The following MIB1 variants were observed in gnomAD, a reference collection of about 807,000 sequenced individuals.
MIB1 encodes the protein E3 ubiquitin-protein ligase MIB1.
MIB1 carries 278 observed loss-of-function variants against 124.5 expected under a neutral mutation model. The observed-to-expected ratio is 2.23, with a 90% CI of 2.02 to 2.47. The LOEUF is 2.47. Ranked by LOEUF, MIB1 falls within the 30% of genes most tolerant of loss-of-function variation. The pLI is 0.00. For synonymous variants in MIB1, 446 were observed against 429.4 expected (o/e 1.04, Z -0.48); for missense variants, 957 against 1,254.4 (o/e 0.76, Z 3.58).
chr18:21,859,593 C>T (rs1457904451), intron 20 of MIB1, among the ~76,000 whole-genome samples: 1 of 151,602 alleles, frequency 6.6e-6, no homozygotes, highest in Non-Finnish European at 1.5e-5. Context: ...ACATGTGATA[C>T]TTTAATAGAA....
intron 4 of MIB1, among the ~76,000 whole-genome samples, chr18:21,777,013 G>A (rs974586984): frequency 1.3e-5 from 2 of 151,930 alleles, no homozygotes; most frequent in African/African-American, 4.8e-5. Flanking sequence ...AAAATTAGCT[G>A]GACAAGGAAT....
intron 1 of MIB1, among the ~76,000 whole-genome samples, chr18:21,760,454 AT>A (rs2146399664): frequency 6.6e-6 from 1 of 152,248 alleles, no homozygotes; most frequent in African/African-American, 2.4e-5. Context: ...CTTTGTTTAC[AT>A]TTTTCAATTC....
chr18:21,845,669 G>A (rs1009840241), intron 15 of MIB1, among the ~76,000 whole-genome samples: 3 of 151,882 alleles, frequency 2.0e-5, no homozygotes, highest in African/African-American at 7.3e-5. Context: ...TGTTGCCTGG[G>A]CTGGAGTGCA....
intron 4 of MIB1, among the ~76,000 whole-genome samples, chr18:21,775,133 G>A (rs986722345): frequency 5.2e-4 from 79 of 151,328 alleles, no homozygotes; most frequent in Non-Finnish European, 1.6e-4. Flanking sequence ...TTTTAGTAGA[G>A]ACGCGATTTC....
rs770270150 is a variant in MIB1 at position 21,791,516 on chromosome 18, C to T, written c.1051C>T (p.Leu351=). The T allele has an allele frequency of 3.6e-5, 58 of 1,613,728 alleles. No individual in the cohort carries two copies. Among genetic ancestry groups the T allele is most frequent in the Non-Finnish European group, 4.6e-5 (54 of 1,179,866 alleles). Residue 351 remains leucine (L), a synonymous_variant, in exon 7 of 21, where the codon CTA becomes TTA. Transcript: ENST00000261537. ...TTATGACCTGGAACGAATTAAACTT[C>T]TACAAAGAGGACATGGAGAATGGGC... ...VCYDLERIKL[L]QRGHGEWAEA...
chr18:21,740,497 A>T (rs1004274609), upstream of MIB1, among the ~76,000 whole-genome samples: 4 of 152,260 alleles, frequency 2.6e-5, no homozygotes, highest in Admixed American at 2.0e-4. Context: ...AAAGAAGACT[A>T]AAAGAATATG....
upstream of MIB1, among the ~76,000 whole-genome samples, chr18:21,740,084 A>G (rs1321463793): frequency 6.6e-6 from 1 of 152,182 alleles, no homozygotes; most frequent in Admixed American, 6.5e-5. Context: ...GCAACAGTTT[A>G]TGCTAACAAT....
At chr18:21,723,904 G>T (rs1373682428) in intron 1 of MIB1, among the ~76,000 whole-genome samples, 3 of 149,270 alleles carry the variant, frequency 2.0e-5, no homozygotes, top group Non-Finnish European at 4.4e-5. Context: ...AAGAGATGAG[G>T]TCTCCCTTTA....
chr18:21,811,672 G>A (rs2041774978), intron 10 of MIB1, among the ~76,000 whole-genome samples: 1 of 152,138 alleles, frequency 6.6e-6, no homozygotes, highest in African/African-American at 2.4e-5. Context: ...GGAACAAAAA[G>A]TGGAATGTAT....
chr18:21,842,430 A>G (rs1476965849), intron 13 of MIB1, among the ~76,000 whole-genome samples: 1 of 152,188 alleles, frequency 6.6e-6, no homozygotes, highest in Non-Finnish European at 1.5e-5. Context: ...AGCCCTGTGA[A>G]ATAGGTTTTA....
intron 13 of MIB1, among the ~76,000 whole-genome samples, chr18:21,841,178 C>G (rs1257401205): frequency 6.6e-6 from 1 of 152,078 alleles, no homozygotes; most frequent in Non-Finnish European, 1.5e-5. Flanking sequence ...CCAGCCTGGC[C>G]AACATCGTGA....
chr18:21,710,147 ATCTC>A (rs1264319651), intron 1 of MIB1, among the ~76,000 whole-genome samples: 4 of 150,752 alleles, frequency 2.7e-5, no homozygotes, highest in East Asian at 3.9e-4. Flanking sequence ...TTGAGATGGA[ATCTC>A]TCTCTGTCGC....
At position 21,840,586 on chromosome 18, in the gene MIB1, C is replaced by T. The variant is rs1037134314; in HGVS notation, c.1962+2089C>T. On this transcript the variant is annotated intron_variant, in intron 13 of 20. Coordinates refer to ENST00000261537, the MANE Select transcript of MIB1 (RefSeq NM_020774.4). ...GGAGAATAGCTCAAATCTAGGAGTT[C>T]GAGACCAGCCTGGGCAACATTGTGA... 2.5e-4 allele frequency among the ~76,000 whole-genome samples: 37 copies of T among 148,672 alleles called. 1 individual carries two copies. The highest frequency in any genetic ancestry group is 7.7e-4 in the African/African-American group (31 of 40,372).
intron 7 of MIB1, 21 bp from the exon 8 acceptor site, chr18:21,798,063 G>A: frequency 6.2e-7 from 1 of 1,611,264 alleles, no homozygotes; most frequent in Non-Finnish European, 8.5e-7. Flanking sequence ...TTGGAAACAT[G>A]AATCTATTTT....
chr18:21,803,962 A>C lies in MIB1; in HGVS notation c.1427A>C (p.His476Pro). The change falls in exon 10 of 21, where the codon CAT becomes CCT. Residue 476 changes from histidine to proline, a missense_variant. Physicochemically the swap from His to Pro is moderately conservative, Grantham distance 77 (BLOSUM62 -2). Transcript: ENST00000261537. ...TAMQAASQNG[H>P]VDILKLLLKQ... The stretch of plus-strand genomic sequence containing the variant: ...ATGCAAGCTGCTAGTCAGAATGGAC[A>C]TGTTGACATTTTGAAGTTACTTTTG... 1 of 1,613,886 alleles carries C rather than the reference A, an allele frequency of 6.2e-7. No homozygotes were observed. The highest frequency in any genetic ancestry group is 1.7e-5 in the Admixed American group (1 of 60,028).
rs1164692713 is a variant in MIB1 at position 21,799,863 on chromosome 18, G to T, written c.1260G>T (p.Lys420Asn). The T allele has an allele frequency of 1.9e-6, 3 of 1,610,972 alleles. No individual in the cohort carries two copies. Among genetic ancestry groups the T allele is most frequent in the Non-Finnish European group, 1.7e-6 (2 of 1,177,946 alleles). ...CAGAAAGACTCTCACAACTCCTGAA[G>T]AAATTATTTGAAACCCAAGAATCTG... ...ASGERLSQLL[K>N]KLFETQESGD... The change falls in exon 9 of 21, where the codon AAG (lysine) becomes AAT (asparagine). Residue 420 changes from lysine (K) to asparagine (N), a missense_variant. Lys to Asn is a moderately conservative substitution (Grantham distance 94). Transcript: ENST00000261537.
rs1233112371 is a variant in MIB1, at chr18:21,869,690, T to C, written c.*5024T>C. The C allele has an allele frequency of 1.3e-5, 2 of 152,484 alleles. No homozygotes were observed. The highest frequency in any genetic ancestry group is 4.8e-5 in the African/African-American group (2 of 41,438). 9.4% of individuals were successfully genotyped at this position (152,484 alleles called of 1,614,324 possible). A position where few individuals can be genotyped will look rare whatever the true frequency, so the allele number is the denominator to read the frequency against. ...AATTAAGTTATTATGCAAAGTCATC[T>C]ATAAGTAGCATCTGGGAAGAGGAGA... On this transcript the variant is annotated 3_prime_UTR_variant, in exon 21 of 21. Transcript: ENST00000261537.
chr18:21,726,051 G>A (rs1163228894), intron 1 of MIB1, among the ~76,000 whole-genome samples: 1 of 152,146 alleles, frequency 6.6e-6, no homozygotes, highest in Non-Finnish European at 1.5e-5. Context: ...GCTAAAATCA[G>A]TTTTGAAGCA....
intron 6 of MIB1, among the ~76,000 whole-genome samples, chr18:21,784,192 G>A (rs1243581737): frequency 6.6e-6 from 1 of 151,914 alleles, no homozygotes; most frequent in African/African-American, 2.4e-5. Flanking sequence ...GGGACTACAG[G>A]CGCGTGCCAC....
Sources: gnomAD v4.1 joint callset for allele counts (sites outside exome capture counted in the v4.1 genomes callset) on GRCh38, gnomAD v4.1.1 for gene constraint, MANE v1.5 for transcripts, NCBI Gene and HGNC (gene_info 2026-07-23, HGNC 2026-07-21) for gene names.